The following ARHGAP10 variants were observed in gnomAD, a reference collection of about 807,000 sequenced individuals.
The protein encoded by ARHGAP10 is Rho GTPase activating protein 10.
ARHGAP10 carries 87 observed loss-of-function variants against 108.6 expected under a neutral mutation model. The observed-to-expected ratio is 0.80, with a 90% confidence interval of 0.67 to 0.96. The LOEUF (loss-of-function observed/expected upper bound fraction) is 0.96. Ranked by LOEUF, ARHGAP10 falls within the 40% of genes least tolerant of loss-of-function variation. The pLI is 0.00. For synonymous variants in ARHGAP10, 347 were observed against 341.1 expected, an observed-to-expected ratio of 1.02 and a Z score of -0.19; for missense variants, 939 against 954.5, an observed-to-expected ratio of 0.98 and a Z score of 0.21.
intron 3 of ARHGAP10, among the ~76,000 whole-genome samples, chr4:147,825,198 C>T (rs1355514293): frequency 6.6e-6 from 1 of 151,830 alleles, no homozygotes; most frequent in Non-Finnish European, 1.5e-5. Context: ...CTCTGTAATC[C>T]CAGCACTTTG....
chr4:147,938,506 T>G (rs1254578662), intron 13 of ARHGAP10, among the ~76,000 whole-genome samples: 11 of 152,218 alleles, frequency 7.2e-5, no homozygotes, highest in Admixed American at 7.2e-4. Flanking sequence ...TAGTATCATC[T>G]CATTTCCCTC....
intron 19 of ARHGAP10, among the ~76,000 whole-genome samples, chr4:148,029,042 G>A (rs61659434): frequency 0.12 from 17,763 of 152,124 alleles, 1,585 homozygotes; most frequent in African/African-American, 0.25. Flanking sequence ...ATTCTTATGC[G>A]TAACTGCTTT....
At chr4:147,864,101 A>G (rs1169630640) in intron 5 of ARHGAP10, 1 of 152,268 alleles carries the variant, frequency 6.6e-6, no homozygotes, top group Non-Finnish European at 1.5e-5. Flanking sequence ...GAAAAATATC[A>G]CATGATACCT....
At chr4:147,805,332 G>T (rs1387238893) in intron 1 of ARHGAP10, among the ~76,000 whole-genome samples, 1 of 152,068 alleles carries the variant, frequency 6.6e-6, no homozygotes, top group African/African-American at 2.4e-5. Flanking sequence ...CCATTTGTCT[G>T]TGTGTCTTTG....
chr4:148,044,540 T>TG (rs1728791279), intron 19 of ARHGAP10, among the ~76,000 whole-genome samples: 1 of 152,178 alleles, frequency 6.6e-6, no homozygotes, highest in Non-Finnish European at 1.5e-5. Context: ...CAGTTTGCTA[T>TG]GTCTAGCTGA....
intron 4 of ARHGAP10, among the ~76,000 whole-genome samples, chr4:147,851,411 C>T (rs1733872944): frequency 6.6e-6 from 1 of 152,122 alleles, no homozygotes; most frequent in Non-Finnish European, 1.5e-5. Context: ...GACGGTCTCT[C>T]TGTGTTGCCC....
At chr4:148,012,053 A>G (rs574052655) in intron 18 of ARHGAP10, among the ~76,000 whole-genome samples, 5 of 152,324 alleles carry the variant, frequency 3.3e-5, no homozygotes, top group Admixed American at 1.3e-4. Flanking sequence ...GTGCCAAACA[A>G]TTATTAGCAT....
intron 18 of ARHGAP10, among the ~76,000 whole-genome samples, chr4:147,984,716 T>C (rs772176548): frequency 2.6e-5 from 4 of 152,232 alleles, no homozygotes; most frequent in South Asian, 2.1e-4. Flanking sequence ...TGATTTCTTA[T>C]TGTGTTGTGC....
At chr4:148,020,154 A>T (rs145736750) in intron 18 of ARHGAP10, among the ~76,000 whole-genome samples, 22 of 152,348 alleles carry the variant, frequency 1.4e-4, no homozygotes, top group Non-Finnish European at 2.6e-4. Flanking sequence ...TATTCAGCCT[A>T]TACAACATAG....
chr4:147,770,239 A>G (rs1307317054), intron 1 of ARHGAP10, among the ~76,000 whole-genome samples: 1 of 152,206 alleles, frequency 6.6e-6, no homozygotes, highest in African/African-American at 2.4e-5. Flanking sequence ...GCACTTAGAA[A>G]TGATAGCCTG....
At chr4:148,022,520 T>C (rs1035684265) in intron 18 of ARHGAP10, among the ~76,000 whole-genome samples, 2 of 152,238 alleles carry the variant, frequency 1.3e-5, no homozygotes, top group African/African-American at 4.8e-5. Flanking sequence ...GGGTCTATTA[T>C]CAGTCACCTC....
chr4:147,935,175 G>A (rs1310885623), intron 13 of ARHGAP10, among the ~76,000 whole-genome samples: 4 of 152,154 alleles, frequency 2.6e-5, no homozygotes, highest in African/African-American at 4.8e-5. Context: ...TGATTAAGTT[G>A]AATACACTGC....
At chr4:148,023,185 GTGGTGC>G in intron 18 of ARHGAP10, 72 bp from the exon 19 acceptor site, 1 of 1,514,880 alleles carries the variant, frequency 6.6e-7, no homozygotes, top group South Asian at 1.3e-5. Context: ...ATCAAATGTT[GTGGTGC>G]TGGTTTACTG....
At chr4:147,871,159 C>T (rs969266451) in intron 7 of ARHGAP10, among the ~76,000 whole-genome samples, 7 of 152,152 alleles carry the variant, frequency 4.6e-5, no homozygotes, top group East Asian at 1.9e-4. Flanking sequence ...GGGGTTTCAC[C>T]GTGTTAGCCA....
chr4:147,900,972 C>T (rs371868547), intron 10 of ARHGAP10, among the ~76,000 whole-genome samples: 8 of 152,242 alleles, frequency 5.3e-5, no homozygotes, highest in Admixed American at 1.3e-4. Context: ...ATATACTTTG[C>T]AAAGTTTTCT....
At position 147,904,341 on chromosome 4, in the gene ARHGAP10, CA is replaced by C. The variant is rs1256053608; in HGVS notation, c.1035-2296del. Among the ~76,000 whole-genome samples, 4 of 152,166 alleles carry C rather than the reference CA, an allele frequency of 2.6e-5. No individual in the cohort carries two copies. In the East Asian group the frequency reaches 7.7e-4, roughly 29 times the overall value. On this transcript the variant is annotated intron_variant, in intron 10 of 22. Coordinates refer to ENST00000336498, the MANE Select transcript of ARHGAP10 (RefSeq NM_024605.4). Reference sequence around the variant, plus strand: ...TGGTGTGCTGCATCCATTAACTCGTCATTTAGCATTAGGTATATCTCCTAAT... The same window carrying C: ...TGGTGTGCTGCATCCATTAACTCGTCTTTAGCATTAGGTATATCTCCTAAT...
chr4:147,739,340 C>G (rs940787784), intron 1 of ARHGAP10, among the ~76,000 whole-genome samples: 4 of 152,128 alleles, frequency 2.6e-5, no homozygotes, highest in Non-Finnish European at 4.4e-5. Flanking sequence ...AGTAAGCAAT[C>G]TATAGTCGAG....
chr4:147,945,572 G>A lies in ARHGAP10; in HGVS notation c.1304-1045G>A, dbSNP rs530519422. The stretch of plus-strand genomic sequence containing the variant: ...ACTGTAAATGACTTTTTAAGTCTCT[G>A]TGTAGTTATTTTCTGTTTTGGTTGA... On this transcript the variant is annotated intron_variant, in intron 14 of 22. Coordinates refer to ENST00000336498, the MANE Select transcript of ARHGAP10 (RefSeq NM_024605.4). Among the ~76,000 whole-genome samples, 20 of 152,254 alleles carry A rather than the reference G, an allele frequency of 1.3e-4. 1 individual carries two copies. Among genetic ancestry groups the A allele is most frequent in the South Asian group, 6.2e-4 (3 of 4,820 alleles).
intron 18 of ARHGAP10, among the ~76,000 whole-genome samples, chr4:147,997,002 C>T (rs1026638960): frequency 6.6e-6 from 1 of 152,184 alleles, no homozygotes; most frequent in Non-Finnish European, 1.5e-5. Context: ...CTGTGGTATT[C>T]TGTCATAGCA....
Sources: allele counts gnomAD v4.1 joint callset (sites outside exome capture counted in the v4.1 genomes callset), GRCh38; gene constraint gnomAD v4.1.1; transcripts MANE v1.5; gene names NCBI Gene and HGNC (gene_info 2026-07-23, HGNC 2026-07-21).